ZNF346: variants seen among roughly 807,000 people sequenced by gnomAD.
The protein encoded by ZNF346 is double-stranded RNA-binding zinc finger protein JAZ.
A neutral mutation model predicts 33.7 loss-of-function variants in ZNF346; 23 were observed. The ratio of observed to expected loss-of-function variants is 0.68; its 90% confidence interval spans 0.49 to 0.97. ZNF346 has a LOEUF of 0.97. ZNF346 is among the 50% of genes least tolerant of loss of function. The pLI is 0.00. For synonymous variants in ZNF346, 134 were observed against 142.4 expected (o/e 0.94, Z 0.42); for missense variants, 340 against 371.1 (o/e 0.92, Z 0.69).
At chr5:177,069,257 G>C (rs1783381592), downstream of ZNF346, among the ~76,000 whole-genome samples, 1 of 118,752 alleles carries the variant, frequency 8.4e-6, no homozygotes, top group Non-Finnish European at 1.6e-5. Context: ...AGGAGTTCCA[G>C]ACCAGCCTAG....
chr5:177,052,190 G>A (rs1385296442), intron 5 of ZNF346, among the ~76,000 whole-genome samples: 1 of 142,000 alleles, frequency 7.0e-6, no homozygotes, highest in African/African-American at 2.9e-5. Context: ...TTTTTTTTGA[G>A]ACAGTCTCAC....
At chr5:177,036,448 A>G (rs775073317) in intron 1 of ZNF346, among the ~76,000 whole-genome samples, 5 of 152,096 alleles carry the variant, frequency 3.3e-5, no homozygotes, top group African/African-American at 1.2e-4. Flanking sequence ...TTGATTTTGT[A>G]TTGTTGGATC....
Position 177,050,913 on chromosome 5 carries a change from A to G in ZNF346, c.680A>G (p.Asp227Gly). 1 of 1,614,056 alleles carries G rather than the reference A, an allele frequency of 6.2e-7. No individual in the cohort carries two copies. Among genetic ancestry groups the G allele is most frequent in the Non-Finnish European group, 8.5e-7 (1 of 1,180,000 alleles). ...ATGGCACGCTATGGGCGGCTGGCGG[A>G]CCCTGCTGTCACTGACTTTCCAGGT... ...KLMARYGRLA[D>G]PAVTDFPAGK... Residue 227 changes from aspartate (D) to glycine (G), a missense_variant, in exon 5 of 7, where the codon GAC becomes GGC. By Grantham distance (94) the Asp-to-Gly change is moderately conservative (BLOSUM62 -1). Coordinates refer to ENST00000358149, the MANE Select transcript of ZNF346 (RefSeq NM_012279.4).
chr5:177,044,579 T>C (rs1263185564), intron 4 of ZNF346, 46 bp downstream of exon 4: 12 of 1,604,012 alleles, frequency 7.5e-6, no homozygotes, highest in Non-Finnish European at 1.0e-5. Context: ...CCTGCCGTCC[T>C]CAGGGCACTA....
intron 5 of ZNF346, 46 bp from the exon 6 acceptor site, chr5:177,062,010 GGT>G: frequency 6.5e-7 from 1 of 1,533,508 alleles, no homozygotes; most frequent in East Asian, 2.3e-5. Context: ...ACGGTCTTCA[GGT>G]TCCTTCTTTC....
rs1458271033 is a variant in ZNF346 at position 177,065,999 on chromosome 5, G to T, written c.*1400G>T. ...TACAACTTAACAGACCTAGGGTTTT[G>T]AGCCATATTGCCATTGGATCTAGTA... On this transcript the variant is annotated 3_prime_UTR_variant, in exon 7 of 7. Transcript: ENST00000358149. The T allele has an allele frequency of 1.4e-5, 2 of 145,298 alleles. No homozygotes were observed. Among genetic ancestry groups the T allele is most frequent in the Non-Finnish European group, 1.5e-5 (1 of 66,706 alleles). The allele number at this position is 145,298 out of a possible 1,614,324, so 9.0% of individuals were successfully genotyped here.
chr5:177,041,844 G>A lies in ZNF346; in HGVS notation c.346G>A (p.Glu116Lys). 1.2e-6 allele frequency: 2 copies of A among 1,613,108 alleles called. No individual in the cohort carries two copies. Among genetic ancestry groups the A allele is most frequent in the Non-Finnish European group, 1.7e-6 (2 of 1,179,218 alleles). The change falls in exon 3 of 7, where the codon GAA becomes AAA. Residue 116 changes from glutamate (E) to lysine (K), a missense_variant. Coordinates refer to ENST00000358149, the MANE Select transcript of ZNF346 (RefSeq NM_012279.4). ...AIHGMETLKG[E>K]TKKLDSDQKS... ...CCATGGAATGGAGACATTAAAGGGG[G>A]AAACGAAGAAGCTAGACTCAGATCA... is the stretch of plus-strand genomic sequence containing the variant.
exon 9 of ZNF346, chr5:177,080,455 G>A (rs763585128): frequency 1.3e-5 from 2 of 152,252 alleles, no homozygotes; most frequent in African/African-American, 4.8e-5. Context: ...TTTCACAGAA[G>A]ATGAAACTGA....
chr5:177,068,879 A>G (rs1783362314), downstream of ZNF346, among the ~76,000 whole-genome samples: 2 of 143,398 alleles, frequency 1.4e-5, 1 homozygote, highest in South Asian at 4.3e-4. Flanking sequence ...CCATACATTC[A>G]GTAATGTGCA....
rs893024919 is a variant in ZNF346, at chr5:177,031,574, A to G, written c.175+8661A>G. Among the ~76,000 whole-genome samples, 8 of 152,226 alleles carry G rather than the reference A, an allele frequency of 5.3e-5. No individual in the cohort carries two copies. The South Asian group carries it at 1.7e-3, about 32-fold the overall frequency. ...AACAGTTTGTGATGTGTCTAGGTGT[A>G]GCTCTCTTCACATTTTTCCTAGTTT... On this transcript the variant is annotated intron_variant, in intron 1 of 6. Coordinates refer to ENST00000358149, the MANE Select transcript of ZNF346 (RefSeq NM_012279.4).
chr5:177,076,870 G>A (rs1361524045), intron 8 of ZNF346, among the ~76,000 whole-genome samples: 5 of 152,026 alleles, frequency 3.3e-5, no homozygotes, highest in Non-Finnish European at 5.9e-5. Flanking sequence ...GTGAAACCCC[G>A]TCTCTACTAA....
At chr5:177,023,254 C>T in intron 1 of ZNF346, 1 of 1,496,660 alleles carries the variant, frequency 6.7e-7, no homozygotes, top group Non-Finnish European at 9.0e-7. Context: ...GCCGAGTGCC[C>T]CTCACCACTC....
At chr5:177,042,907 A>G (rs1015835052) in intron 3 of ZNF346, among the ~76,000 whole-genome samples, 9 of 152,134 alleles carry the variant, frequency 5.9e-5, no homozygotes, top group Non-Finnish European at 8.8e-5. Context: ...ACTGGAGTGC[A>G]GTGGCACGAT....
intron 3 of ZNF346, among the ~76,000 whole-genome samples, chr5:177,043,719 G>A (rs1013090158): frequency 5.9e-5 from 9 of 151,928 alleles, no homozygotes; most frequent in Non-Finnish European, 1.2e-4. Context: ...AGCCGAGATC[G>A]TGCCACTGCA....
At chr5:177,048,912 G>A (rs1780484223) in intron 4 of ZNF346, among the ~76,000 whole-genome samples, 1 of 151,400 alleles carries the variant, frequency 6.6e-6, no homozygotes, top group Non-Finnish European at 1.5e-5. Flanking sequence ...AGCCTCCTGA[G>A]TAGCTGGGAT....
rs77545880 is a variant in ZNF346 at position 177,037,886 on chromosome 5, A to G, written c.176-3240A>G. ...TTATATTCATTCAACATCATCTACT[A>G]GGCCTCATGCTGTCTCTCCAACTTA... is the stretch of plus-strand genomic sequence containing the variant. On this transcript the variant is annotated intron_variant, in intron 1 of 6. Transcript: ENST00000358149. Among the ~76,000 whole-genome samples, 573 of 152,228 alleles carry G rather than the reference A, an allele frequency of 3.8e-3. 3 individuals carry two copies. The highest frequency in any genetic ancestry group is 0.013 in the African/African-American group (530 of 41,544).
Position 177,065,495 on chromosome 5 carries a change from C to G in ZNF346, c.*896C>G, listed in dbSNP as rs544370340. 7.5e-4 allele frequency: 114 copies of G among 152,812 alleles called. No individual in the cohort carries two copies. The highest frequency in any genetic ancestry group is 2.5e-3 in the African/African-American group (106 of 41,580). 9.5% of individuals were successfully genotyped at this position (152,812 alleles called of 1,614,324 possible). On this transcript the variant is annotated 3_prime_UTR_variant, in exon 7 of 7. Transcript: ENST00000358149. ...CTCGGCCCTACTAGCCCTCTCTTCC[C>G]CCTTGTGCAGCGGACCACTTGCCCA...
downstream of ZNF346, among the ~76,000 whole-genome samples, chr5:177,072,426 C>T (rs1783550884): frequency 6.6e-6 from 1 of 152,214 alleles, no homozygotes; most frequent in Non-Finnish European, 1.5e-5. Flanking sequence ...TTCTCAGATC[C>T]TGTGGTTCCG....
At chr5:177,036,333 G>A (rs1778506173) in intron 1 of ZNF346, among the ~76,000 whole-genome samples, 1 of 152,118 alleles carries the variant, frequency 6.6e-6, no homozygotes, top group Admixed American at 6.5e-5. Context: ...TCCCAATTTG[G>A]TTCCCTTTTA....
Sources: gnomAD v4.1 joint callset for allele counts (sites outside exome capture counted in the v4.1 genomes callset) on GRCh38, gnomAD v4.1.1 for gene constraint, MANE v1.5 for transcripts, NCBI Gene and HGNC (gene_info 2026-07-23, HGNC 2026-07-21) for gene names.